The following NKAIN3 variants were observed in gnomAD, a reference collection of about 807,000 sequenced individuals.
NKAIN3 encodes sodium/potassium-transporting ATPase subunit beta-1-interacting protein 3.
NKAIN3 carries 25 observed loss-of-function variants against 30.2 expected under a neutral mutation model. The ratio of observed to expected loss-of-function variants is 0.83; its 90% CI spans 0.60 to 1.16. The LOEUF is 1.16. Ranked by LOEUF, NKAIN3 falls within the 50% of genes most tolerant of loss-of-function variation. The probability of loss-of-function intolerance (pLI) is 0.00; values close to 1 mark genes in which losing one functional copy is unlikely to be tolerated. For synonymous variants in NKAIN3, 91 were observed against 89.6 expected (o/e 1.02, Z -0.09); for missense variants, 225 against 254.1 (o/e 0.89, Z 0.78).
At chr8:62,291,192 C>G (rs142945035) in intron 1 of NKAIN3, among the ~76,000 whole-genome samples, 105 of 152,212 alleles carry the variant, frequency 6.9e-4, no homozygotes, top group Middle Eastern at 3.4e-3. Context: ...AAAACCAGCT[C>G]CTGGATTCAT....
chr8:62,493,491 T>A (rs1807138071), intron 1 of NKAIN3, among the ~76,000 whole-genome samples: 1 of 152,188 alleles, frequency 6.6e-6, no homozygotes. Context: ...TGGTTAGAAT[T>A]GCCTTGGTTA....
intron 1 of NKAIN3, among the ~76,000 whole-genome samples, chr8:62,551,666 C>A (rs1203975645): frequency 6.6e-6 from 1 of 152,034 alleles, no homozygotes; most frequent in African/African-American, 2.4e-5. Flanking sequence ...GTAATGGGTC[C>A]CATGCACAGA....
At chr8:62,584,050 G>T (rs1166074267) in intron 2 of NKAIN3, among the ~76,000 whole-genome samples, 1 of 152,084 alleles carries the variant, frequency 6.6e-6, no homozygotes, top group African/African-American at 2.4e-5. Context: ...AAATGAATGT[G>T]GCATATGTCC....
At position 62,915,686 on chromosome 8, in the gene NKAIN3, G is replaced by A. The variant is rs1478077613; in HGVS notation, c.472-2767G>A. On this transcript the variant is annotated intron_variant, in intron 4 of 6. Coordinates refer to ENST00000623646, the MANE Select transcript of NKAIN3 (RefSeq NM_001304533.3). ...CATATACACACACACCCCTAAGGGA[G>A]AACCCACCAAGAACTAGAAAGTTGT... is the stretch of plus-strand genomic sequence containing the variant. Among the ~76,000 whole-genome samples, 6 of 152,054 alleles carry A rather than the reference G, an allele frequency of 3.9e-5. No homozygotes were observed. The East Asian group carries it at 1.2e-3, about 29-fold the overall frequency.
chr8:62,311,053 A>G (rs1814411138), intron 1 of NKAIN3, among the ~76,000 whole-genome samples: 1 of 150,508 alleles, frequency 6.6e-6, no homozygotes, highest in South Asian at 2.1e-4. Flanking sequence ...ACTGAGTTAT[A>G]CCTGAAATCT....
rs1278235436 is a variant in NKAIN3 at position 62,249,508 on chromosome 8, CTCTT to C, written c.54+386_54+389del. 4.6e-5 allele frequency among the ~76,000 whole-genome samples: 7 copies of C among 152,362 alleles called. No individual in the cohort carries two copies. The East Asian group carries it at 1.4e-3, about 29-fold the overall frequency. On this transcript the variant is annotated intron_variant, in intron 1 of 6. Transcript: ENST00000623646. ...CTGAAGTTACACGGGGACTTGCGGG[CTCTT>C]TCTTCTTAGGATGATTTCCAGGAAT...
At chr8:62,622,700 C>T (rs531032855) in intron 3 of NKAIN3, among the ~76,000 whole-genome samples, 6 of 152,058 alleles carry the variant, frequency 3.9e-5, no homozygotes, top group African/African-American at 7.2e-5. Flanking sequence ...TGTTTTGCAA[C>T]TATTTTCTCC....
At chr8:62,524,811 C>G (rs1276089677) in intron 1 of NKAIN3, among the ~76,000 whole-genome samples, 1 of 151,860 alleles carries the variant, frequency 6.6e-6, no homozygotes, top group Non-Finnish European at 1.5e-5. Context: ...TACTCACTAC[C>G]GAGTACATCT....
chr8:62,427,799 G>A (rs1270396928), intron 1 of NKAIN3, among the ~76,000 whole-genome samples: 1 of 151,776 alleles, frequency 6.6e-6, no homozygotes, highest in Non-Finnish European at 1.5e-5. Flanking sequence ...CTGGGTAATT[G>A]TAATATTTCA....
chr8:62,439,662 A>G (rs937204398), intron 1 of NKAIN3, among the ~76,000 whole-genome samples: 13 of 152,352 alleles, frequency 8.5e-5, no homozygotes, highest in African/African-American at 1.4e-4. Flanking sequence ...ACTTAGCCAC[A>G]TGGATTCAAA....
At chr8:62,525,094 C>T (rs1808262130) in intron 1 of NKAIN3, among the ~76,000 whole-genome samples, 1 of 152,072 alleles carries the variant, frequency 6.6e-6, no homozygotes, top group South Asian at 2.1e-4. Flanking sequence ...TTAGCAACAG[C>T]TTTATAATTC....
chr8:62,580,906 T>TATATATA (rs71974501), intron 2 of NKAIN3, among the ~76,000 whole-genome samples: 1,312 of 112,260 alleles, frequency 0.012, 7 homozygotes, highest in Non-Finnish European at 0.019. Flanking sequence ...GCTAGGGTTT[T>TATATATA]TATATATATA....
intron 4 of NKAIN3, among the ~76,000 whole-genome samples, chr8:62,767,674 T>C (rs1816886017): frequency 6.6e-6 from 1 of 152,076 alleles, no homozygotes; most frequent in African/African-American, 2.4e-5. Flanking sequence ...GGATTCTTAA[T>C]TGAAATAGAC....
At chr8:62,531,017 A>C (rs1412658802) in intron 1 of NKAIN3, among the ~76,000 whole-genome samples, 2 of 151,694 alleles carry the variant, frequency 1.3e-5, no homozygotes. Context: ...AAGCAACCAC[A>C]CTCCAGGAAT....
intron 1 of NKAIN3, among the ~76,000 whole-genome samples, chr8:62,339,287 A>G (rs560833401): frequency 6.6e-6 from 1 of 151,710 alleles, no homozygotes; most frequent in South Asian, 2.1e-4. Context: ...ACTAGGCCAT[A>G]GTAAGGCGTT....
chr8:62,471,597 G>C (rs1488198151), intron 1 of NKAIN3, among the ~76,000 whole-genome samples: 1 of 152,152 alleles, frequency 6.6e-6, no homozygotes, highest in Non-Finnish European at 1.5e-5. Context: ...GCTGTGAAAA[G>C]ATATCAAATT....
intron 1 of NKAIN3, among the ~76,000 whole-genome samples, chr8:62,416,846 TA>T (rs1804460273): frequency 6.6e-6 from 1 of 151,686 alleles, no homozygotes; most frequent in Admixed American, 6.6e-5. Context: ...AATACAAAAT[TA>T]GCTGAGCATG....
chr8:62,683,874 T>C (rs1430289008), intron 3 of NKAIN3, among the ~76,000 whole-genome samples: 1 of 152,170 alleles, frequency 6.6e-6, no homozygotes, highest in East Asian at 1.9e-4. Flanking sequence ...AGGCAGTTCC[T>C]GTCTGGATGG....
chr8:62,841,924 A>C (rs1258387845), intron 4 of NKAIN3, among the ~76,000 whole-genome samples: 5 of 152,182 alleles, frequency 3.3e-5, no homozygotes, highest in Non-Finnish European at 7.4e-5. Flanking sequence ...ATTACCACCA[A>C]TAGTGTACAA....
Sources: gnomAD v4.1 joint callset for allele counts (sites outside exome capture counted in the v4.1 genomes callset) on GRCh38, gnomAD v4.1.1 for gene constraint, MANE v1.5 for transcripts, NCBI Gene and HGNC (gene_info 2026-07-23, HGNC 2026-07-21) for gene names.